Variants in GPHN observed in about 807,000 individuals in gnomAD.
GPHN encodes gephyrin.
In GPHN, 17 loss-of-function variants were observed where a neutral mutation model predicts 95.5. The observed-to-expected ratio is 0.18, with a 90% CI of 0.12 to 0.27. GPHN has a LOEUF of 0.27. Among genes scored for constraint, GPHN ranks in the 10% least tolerant of loss-of-function variants. The pLI is 1.00. For missense variants in GPHN, 660 were observed against 978.1 expected (o/e 0.67, Z 4.34); for synonymous variants, 320 against 322.5 (o/e 0.99, Z 0.08).
the GPHN span, among the ~76,000 whole-genome samples, chr14:67,261,926 G>A: frequency 6.6e-6 from 1 of 152,068 alleles, no homozygotes; most frequent in Non-Finnish European, 1.5e-5. Context: ...AATTTTCTCT[G>A]ATCATATTTT....
intron 17 of GPHN, among the ~76,000 whole-genome samples, chr14:67,142,614 A>T (rs1314290402): frequency 6.6e-6 from 1 of 151,632 alleles, no homozygotes; most frequent in Non-Finnish European, 1.5e-5. Flanking sequence ...TTTTCCCCCT[A>T]CCTTTTCTCT....
At chr14:66,797,021 C>CTTTTTTTTTTTTTTTTTT (rs369681377) in intron 3 of GPHN, among the ~76,000 whole-genome samples, 23 of 81,216 alleles carry the variant, frequency 2.8e-4, no homozygotes, top group Non-Finnish European at 5.5e-4. Flanking sequence ...TATCTAGTTC[C>CTTTTTTTTTTTTTTTTTT]TTTTTTTTTT....
At chr14:67,175,424 T>C (rs942302897) in intron 21 of GPHN, among the ~76,000 whole-genome samples, 3 of 152,174 alleles carry the variant, frequency 2.0e-5, no homozygotes, top group African/African-American at 7.2e-5. Flanking sequence ...TCTGTTTTGT[T>C]CCATTGGTCT....
At chr14:66,988,072 T>C (rs576212209) in intron 9 of GPHN, among the ~76,000 whole-genome samples, 10 of 151,912 alleles carry the variant, frequency 6.6e-5, no homozygotes, top group Admixed American at 1.3e-4. Context: ...CCAAATCTGA[T>C]TGGTTTGTCC....
the GPHN span, among the ~76,000 whole-genome samples, chr14:67,430,090 C>T: frequency 7.9e-5 from 12 of 152,122 alleles, no homozygotes; most frequent in Non-Finnish European, 1.8e-4. Context: ...AAAACTCCTG[C>T]GAGAGGAGCC....
At chr14:67,586,954 G>A in the GPHN span, 1 of 1,542,788 alleles carries the variant, frequency 6.5e-7, no homozygotes, top group Non-Finnish European at 8.7e-7. Context: ...TCCCAGGTGG[G>A]TATTTTAAGA....
the GPHN span, among the ~76,000 whole-genome samples, chr14:67,422,023 G>C: frequency 3.3e-5 from 5 of 152,100 alleles, no homozygotes; most frequent in Non-Finnish European, 7.4e-5. Flanking sequence ...ATACCCTCTA[G>C]CTGGGGAGAG....
chr14:67,255,550 A>G, the GPHN span, among the ~76,000 whole-genome samples: 2 of 152,220 alleles, frequency 1.3e-5, no homozygotes, highest in Non-Finnish European at 2.9e-5. Context: ...ATGATTGCAT[A>G]AGTGATTTAT....
In GPHN at chr14:66,517,126, CAAAAA is replaced by C. The variant is rs1171024713; in HGVS notation, c.64+8557_64+8561del. ...CTGGCCACACAGTGAGACTCCATCT[CAAAAA>C]AAAAAAAAAAAAAAAAAAAAAGAAG... On this transcript the variant is annotated intron_variant, in intron 1 of 22. Coordinates refer to ENST00000478722, the MANE Select transcript of GPHN (RefSeq NM_020806.5). Among the ~76,000 whole-genome samples, 11 of 31,014 alleles carry C rather than the reference CAAAAA, an allele frequency of 3.5e-4. No individual in the cohort carries two copies. In the South Asian group the frequency reaches 7.3e-3, roughly 21 times the overall value. The allele number at this position is 31,014 out of a possible 152,430, so 20.3% of individuals were successfully genotyped here.
At chr14:66,995,208 T>G (rs745643662) in intron 9 of GPHN, among the ~76,000 whole-genome samples, 1 of 152,152 alleles carries the variant, frequency 6.6e-6, no homozygotes, top group Non-Finnish European at 1.5e-5. Flanking sequence ...AACATGGCAG[T>G]GTGACAACGT....
At chr14:67,388,273 A>T in the GPHN span, 1 of 1,613,428 alleles carries the variant, frequency 6.2e-7, no homozygotes, top group Non-Finnish European at 8.5e-7. Flanking sequence ...AACCACGAAG[A>T]GAAAACCCAC....
chr14:67,077,815 T>A (rs748923234), intron 11 of GPHN, among the ~76,000 whole-genome samples: 5 of 152,178 alleles, frequency 3.3e-5, no homozygotes, highest in Non-Finnish European at 7.4e-5. Context: ...ACTGCCACTG[T>A]TATCTTGCAG....
At chr14:67,328,573 A>C in the GPHN span, among the ~76,000 whole-genome samples, 1 of 152,238 alleles carries the variant, frequency 6.6e-6, no homozygotes, top group East Asian at 1.9e-4. Flanking sequence ...CCTGAATGGT[A>C]TTGCCTAGGT....
chr14:67,197,353 T>C, the GPHN span: 1 of 152,194 alleles, frequency 6.6e-6, no homozygotes, highest in Non-Finnish European at 1.5e-5. Flanking sequence ...TCGGCCTGAG[T>C]TGAGGTGAGA....
the GPHN span, chr14:67,412,028 A>G: frequency 6.4e-7 from 1 of 1,558,498 alleles, no homozygotes; most frequent in Non-Finnish European, 8.7e-7. Context: ...CCTCTTGACC[A>G]GGAAGCCCTC....
At chr14:67,557,162 G>A in the GPHN span, 3 of 823,348 alleles carry the variant, frequency 3.6e-6, no homozygotes, top group Non-Finnish European at 3.9e-6. Flanking sequence ...GGCTGTGCCT[G>A]GGAGTCACAG....
chr14:67,015,721 T>C (rs1223012485), intron 9 of GPHN, among the ~76,000 whole-genome samples: 1 of 151,896 alleles, frequency 6.6e-6, no homozygotes, highest in African/African-American at 2.4e-5. Context: ...AAATAAAAAA[T>C]AACATTGCTA....
chr14:66,953,898 A>G (rs2068294146), intron 8 of GPHN, among the ~76,000 whole-genome samples: 1 of 152,068 alleles, frequency 6.6e-6, no homozygotes, highest in Admixed American at 6.6e-5. Context: ...AGCTGGGCAT[A>G]GTGGTGGGTG....
At chr14:67,287,617 G>A in the GPHN span, among the ~76,000 whole-genome samples, 2 of 152,284 alleles carry the variant, frequency 1.3e-5, no homozygotes, top group African/African-American at 4.8e-5. Flanking sequence ...GTATGAATTG[G>A]TACAAATCCA....
Sources: gnomAD v4.1 joint callset for allele counts (sites outside exome capture counted in the v4.1 genomes callset) on GRCh38, gnomAD v4.1.1 for gene constraint, MANE v1.5 for transcripts, NCBI Gene and HGNC (gene_info 2026-07-23, HGNC 2026-07-21) for gene names.